The following GMDS variants were observed in gnomAD, a reference collection of about 807,000 sequenced individuals.
The protein encoded by GMDS is GDP-mannose 4,6 dehydratase.
A neutral mutation model predicts 49.9 loss-of-function variants in GMDS; 20 were observed. The observed-to-expected ratio is 0.40, with a 90% confidence interval of 0.28 to 0.58. GMDS has a LOEUF of 0.58. Ranked by LOEUF, GMDS falls within the 20% of genes least tolerant of loss-of-function variation. The pLI is 0.42. For synonymous variants in GMDS, 177 were observed against 178.6 expected (o/e 0.99, Z 0.07); for missense variants, 362 against 481.4 (o/e 0.75, Z 2.32).
At chr6:2,058,140 C>T (rs1408968070) in intron 4 of GMDS, among the ~76,000 whole-genome samples, 2 of 152,142 alleles carry the variant, frequency 1.3e-5, no homozygotes, top group African/African-American at 4.8e-5. Flanking sequence ...AGGCGGATCA[C>T]TTGAGGTCAG....
At chr6:1,917,315 G>A (rs72841977) in intron 7 of GMDS, among the ~76,000 whole-genome samples, 1 of 152,192 alleles carries the variant, frequency 6.6e-6, no homozygotes, top group South Asian at 2.1e-4. Flanking sequence ...CTGAGGAGTT[G>A]GCAGAGCAGG....
At chr6:2,018,959 T>A (rs559827771) in intron 4 of GMDS, among the ~76,000 whole-genome samples, 2 of 152,202 alleles carry the variant, frequency 1.3e-5, no homozygotes, top group South Asian at 4.2e-4. Flanking sequence ...ACCAGCAGTG[T>A]ATGAAAGTTC....
rs554131243 is a variant in GMDS, at chr6:2,021,795, C to T, written c.346-60829G>A. Among the ~76,000 whole-genome samples the T allele has an allele frequency of 1.4e-4, 21 of 152,288 alleles. 2 individuals are homozygous for T. In the South Asian group the frequency reaches 4.4e-3, roughly 32 times the overall value. Reference sequence around the variant, plus strand: ...ACCCTGCACTCCTGGGCTCCAATCGCTCTGTAAGGCGATACTAACAATGCA... The same window carrying T: ...ACCCTGCACTCCTGGGCTCCAATCGTTCTGTAAGGCGATACTAACAATGCA... On this transcript the variant is annotated intron_variant, in intron 4 of 10. Transcript: ENST00000380815.
At chr6:1,897,458 G>A (rs1159737485) in intron 7 of GMDS, among the ~76,000 whole-genome samples, 2 of 152,178 alleles carry the variant, frequency 1.3e-5, no homozygotes, top group Non-Finnish European at 2.9e-5. Flanking sequence ...ATGGCATCCT[G>A]GAAAGGGAGC....
intron 7 of GMDS, among the ~76,000 whole-genome samples, chr6:1,782,088 A>G (rs1312959123): frequency 3.9e-5 from 6 of 152,186 alleles, no homozygotes; most frequent in African/African-American, 7.2e-5. Flanking sequence ...AATTAATTCA[A>G]TGGAATTCTA....
At position 1,756,265 on chromosome 6, in the gene GMDS, G is replaced by T. The variant is rs1040624862; in HGVS notation, c.772-13679C>A. On this transcript the variant is annotated intron_variant, in intron 7 of 10. Transcript: ENST00000380815. ...TTCATGGCTGCAGCCTTTTGTTCTGGTTTTTTTTTTTTTTTGAGATGGAGT... is the reference window on the plus strand; with the variant it reads ...TTCATGGCTGCAGCCTTTTGTTCTGTTTTTTTTTTTTTTTTGAGATGGAGT... 3.2e-4 allele frequency among the ~76,000 whole-genome samples: 45 copies of T among 140,412 alleles called. 1 individual carries two copies. Among genetic ancestry groups the T allele is most frequent in the Admixed American group, 1.9e-3 (26 of 14,034 alleles). The allele number at this position is 140,412 out of a possible 152,430, so 92.1% of individuals were successfully genotyped here.
chr6:1,913,663 G>C (rs886160653), intron 7 of GMDS, among the ~76,000 whole-genome samples: 1 of 152,164 alleles, frequency 6.6e-6, no homozygotes, highest in African/African-American at 2.4e-5. Flanking sequence ...CATAGTATAA[G>C]TTTTCCATCA....
At chr6:2,125,444 A>T (rs867543514) in intron 1 of GMDS, among the ~76,000 whole-genome samples, 2 of 152,152 alleles carry the variant, frequency 1.3e-5, no homozygotes, top group Admixed American at 6.5e-5. Context: ...ATCTTTAAAA[A>T]TTAGCCAGTC....
intron 4 of GMDS, among the ~76,000 whole-genome samples, chr6:2,110,512 A>G (rs1774486096): frequency 6.6e-6 from 1 of 152,106 alleles, no homozygotes; most frequent in Admixed American, 6.6e-5. Context: ...CAGGTCACTA[A>G]CGCACTGGCC....
At chr6:1,989,745 A>G (rs1246061771) in intron 4 of GMDS, among the ~76,000 whole-genome samples, 2 of 152,068 alleles carry the variant, frequency 1.3e-5, no homozygotes, top group African/African-American at 4.8e-5. Flanking sequence ...GAGATTCACA[A>G]TCACACTCCT....
At chr6:2,118,201 G>C (rs918450346) in intron 2 of GMDS, among the ~76,000 whole-genome samples, 7 of 151,944 alleles carry the variant, frequency 4.6e-5, no homozygotes, top group African/African-American at 1.7e-4. Context: ...TGGGGGGTGG[G>C]GGGACAGTTG....
intron 4 of GMDS, among the ~76,000 whole-genome samples, chr6:2,062,441 A>G (rs1435133225): frequency 2.0e-5 from 3 of 152,220 alleles, no homozygotes; most frequent in East Asian, 3.8e-4. Context: ...GAGGGATCCC[A>G]TACACTTAAG....
chr6:2,095,502 A>G (rs751947119), intron 4 of GMDS, among the ~76,000 whole-genome samples: 11 of 152,212 alleles, frequency 7.2e-5, no homozygotes, highest in Non-Finnish European at 1.5e-4. Context: ...CTTATCAATA[A>G]GTATAAAATA....
intron 9 of GMDS, among the ~76,000 whole-genome samples, chr6:1,634,797 C>G (rs546503543): frequency 6.6e-6 from 1 of 151,794 alleles, no homozygotes; most frequent in Non-Finnish European, 1.5e-5. Context: ...TGGTGAGAGA[C>G]GATGGTGGCC....
chr6:1,986,597 C>T (rs9503061), intron 4 of GMDS, among the ~76,000 whole-genome samples: 59,045 of 152,068 alleles, frequency 0.39, 11,554 homozygotes, highest in Middle Eastern at 0.44. Context: ...TCTGTGAAGG[C>T]AGACTTTACA....
At chr6:1,799,089 G>A (rs946037438) in intron 7 of GMDS, among the ~76,000 whole-genome samples, 1 of 152,066 alleles carries the variant, frequency 6.6e-6, no homozygotes, top group East Asian at 1.9e-4. Flanking sequence ...CTAGGATATC[G>A]TGTAGGTCAA....
At chr6:1,714,978 T>C (rs1182440013) in intron 9 of GMDS, among the ~76,000 whole-genome samples, 1 of 152,102 alleles carries the variant, frequency 6.6e-6, no homozygotes, top group Non-Finnish European at 1.5e-5. Context: ...TGAGCTTGTG[T>C]GAGACAGTTG....
intron 1 of GMDS, among the ~76,000 whole-genome samples, chr6:2,224,992 A>G (rs1230068760): frequency 6.6e-6 from 1 of 151,844 alleles, no homozygotes; most frequent in African/African-American, 2.4e-5. Flanking sequence ...GAACGCACGT[A>G]CGTCCACACG....
chr6:1,770,374 G>A (rs368718419), intron 7 of GMDS, among the ~76,000 whole-genome samples: 24 of 152,226 alleles, frequency 1.6e-4, no homozygotes, highest in African/African-American at 3.4e-4. Flanking sequence ...AAGACCACGC[G>A]TAAGGCACTG....
Sources: gnomAD v4.1 joint callset for allele counts (sites outside exome capture counted in the v4.1 genomes callset) on GRCh38, gnomAD v4.1.1 for gene constraint, MANE v1.5 for transcripts, NCBI Gene and HGNC (gene_info 2026-07-23, HGNC 2026-07-21) for gene names.